The following PLS1 variants were observed in gnomAD, a reference collection of about 807,000 sequenced individuals.
The protein encoded by PLS1 is plastin 1.
Under a neutral mutation model 73.7 loss-of-function variants are expected in PLS1, and 32 were observed. The ratio of observed to expected loss-of-function variants is 0.43; its 90% CI spans 0.33 to 0.58. The LOEUF (loss-of-function observed/expected upper bound fraction) is 0.58, where lower values mean the gene tolerates loss of function less well. PLS1 is among the 20% of genes least tolerant of loss of function. The pLI, the probability that PLS1 is intolerant of heterozygous loss-of-function variation, is 0.04. For missense variants in PLS1, 633 were observed against 740.5 expected, an observed-to-expected ratio of 0.85 and a Z score of 1.68; for synonymous variants, 217 against 261.3, an observed-to-expected ratio of 0.83 and a Z score of 1.63.
intron 1 of PLS1, among the ~76,000 whole-genome samples, chr3:142,639,993 T>C (rs2036795352): frequency 6.6e-6 from 1 of 152,218 alleles, no homozygotes; most frequent in Non-Finnish European, 1.5e-5. Flanking sequence ...AAAAACCAAG[T>C]CTGCTGCAGA....
At chr3:142,627,375 A>G (rs978152466) in intron 1 of PLS1, among the ~76,000 whole-genome samples, 3 of 152,230 alleles carry the variant, frequency 2.0e-5, no homozygotes, top group Admixed American at 2.0e-4. Flanking sequence ...TAGGAGTGAC[A>G]TATTAAGGTT....
intron 6 of PLS1, among the ~76,000 whole-genome samples, chr3:142,680,282 C>G (rs1212595664): frequency 6.6e-6 from 1 of 152,094 alleles, no homozygotes; most frequent in African/African-American, 2.4e-5. Context: ...TCAGTCTGGT[C>G]TTGAACTAGT....
rs1358832929 is a variant in PLS1, at chr3:142,712,734, T to TA, written c.*728dup. 2 of 152,608 alleles carry TA rather than the reference T, an allele frequency of 1.3e-5. No individual in the cohort carries two copies. The highest frequency in any genetic ancestry group is 2.4e-5 in the African/African-American group (1 of 41,462). 9.5% of individuals were successfully genotyped at this position (152,608 alleles called of 1,614,324 possible). A position where few individuals can be genotyped will look rare whatever the true frequency, so the allele number is the denominator to read the frequency against. ...TATTAGAGAGATATGTGTGCATATA[T>TA]ATTTTTTTGCACCTGAATCACCCAG... On this transcript the variant is annotated 3_prime_UTR_variant, in exon 16 of 16. Coordinates refer to ENST00000457734, the MANE Select transcript of PLS1 (RefSeq NM_001145319.2).
chr3:142,679,187 G>A (rs1029134885), intron 6 of PLS1, among the ~76,000 whole-genome samples: 3 of 151,924 alleles, frequency 2.0e-5, no homozygotes, highest in African/African-American at 7.3e-5. Context: ...TTTGTCAGAC[G>A]AGTAGGTTGC....
chr3:142,669,631 T>G (rs575743157), intron 3 of PLS1, 78 bp downstream of exon 3: 2 of 923,634 alleles, frequency 2.2e-6, no homozygotes, highest in South Asian at 4.6e-5. Context: ...CTAGCTTTGG[T>G]TAAATCCAGC....
intron 1 of PLS1, among the ~76,000 whole-genome samples, chr3:142,601,046 C>T (rs2035918044): frequency 6.9e-6 from 1 of 144,112 alleles, no homozygotes; most frequent in Non-Finnish European, 1.5e-5. Context: ...GCCTCAGCCT[C>T]CCGAGTAGCT....
chr3:142,665,063 A>G (rs914962113), intron 2 of PLS1, among the ~76,000 whole-genome samples: 1 of 151,850 alleles, frequency 6.6e-6, no homozygotes, highest in Non-Finnish European at 1.5e-5. Flanking sequence ...TGGGATAATG[A>G]CACCACTATG....
At chr3:142,634,480 G>A (rs1446789920) in intron 1 of PLS1, among the ~76,000 whole-genome samples, 1 of 152,122 alleles carries the variant, frequency 6.6e-6, no homozygotes, top group Non-Finnish European at 1.5e-5. Flanking sequence ...TCTTTTGCTT[G>A]TATTCAATTG....
chr3:142,676,480 A>G (rs1255334719), intron 5 of PLS1, among the ~76,000 whole-genome samples, 191 bp downstream of exon 5: 1 of 152,216 alleles, frequency 6.6e-6, no homozygotes, highest in Non-Finnish European at 1.5e-5. Context: ...TCCTTCAAAT[A>G]CAATCCCTTG....
intron 1 of PLS1, among the ~76,000 whole-genome samples, chr3:142,659,921 G>C (rs1319235434): frequency 1.3e-5 from 2 of 152,042 alleles, no homozygotes; most frequent in African/African-American, 4.8e-5. Context: ...ATCAATTAAA[G>C]CCTCTTTTTT....
At chr3:142,692,264 G>A (rs559293279) in intron 10 of PLS1, among the ~76,000 whole-genome samples, 52 of 151,964 alleles carry the variant, frequency 3.4e-4, no homozygotes, top group Middle Eastern at 3.4e-3. Flanking sequence ...ATTATTTGTA[G>A]ACGTCAAATT....
chr3:142,689,664 A>T lies in PLS1; in HGVS notation c.1028A>T (p.Asp343Val), dbSNP rs146967957. 1,012 of 1,611,120 alleles carry T rather than the reference A, an allele frequency of 6.3e-4. 2 individuals carry two copies. Among genetic ancestry groups the T allele is most frequent in the Middle Eastern group, 1.2e-3 (7 of 6,046 alleles). ...KRAGLMLQEA[D>V]KLGCKQFVTP... ...GCTGGACTCATGCTTCAAGAAGCAG[A>T]TAAACTGGGCTGCAAACAGTTTGTT... The change falls in exon 10 of 16, where the codon GAT (aspartate) becomes GTT (valine). Residue 343 changes from aspartate to valine, a missense_variant. Coordinates refer to ENST00000457734, the MANE Select transcript of PLS1 (RefSeq NM_001145319.2).
chr3:142,633,841 A>C (rs897416278), intron 1 of PLS1, among the ~76,000 whole-genome samples: 5 of 152,194 alleles, frequency 3.3e-5, no homozygotes, highest in African/African-American at 1.2e-4. Context: ...GGAAAATATT[A>C]CCCATAACTA....
At chr3:142,711,845 C>T (rs1240837088) in intron 15 of PLS1, 27 bp from the exon 16 acceptor site, 3 of 1,609,482 alleles carry the variant, frequency 1.9e-6, no homozygotes, top group Non-Finnish European at 2.6e-6. Context: ...GTGGATAACA[C>T]CAAGATATTT....
chr3:142,610,214 G>A (rs1010043819), intron 1 of PLS1, among the ~76,000 whole-genome samples: 7 of 152,162 alleles, frequency 4.6e-5, no homozygotes, highest in Admixed American at 3.9e-4. Flanking sequence ...ATTGGGCAGT[G>A]CAGTTTCATC....
At position 142,712,595 on chromosome 3, in the gene PLS1, T is replaced by C. The variant is rs1053613347; in HGVS notation, c.*588T>C. On this transcript the variant is annotated 3_prime_UTR_variant, in exon 16 of 16. Coordinates refer to ENST00000457734, the MANE Select transcript of PLS1 (RefSeq NM_001145319.2). ...CCCAAAGTTCACTCTCTTGTTTAAG[T>C]AGCAGCAGCTTTTTACTTAAAATTT... The C allele has an allele frequency of 2.0e-5, 3 of 152,302 alleles. No homozygotes were observed. Among genetic ancestry groups the C allele is most frequent in the South Asian group, 4.1e-4 (2 of 4,826 alleles). 9.4% of individuals were successfully genotyped at this position (152,302 alleles called of 1,614,324 possible).
chr3:142,672,743 C>G (rs1003405357), intron 4 of PLS1, among the ~76,000 whole-genome samples: 1 of 152,060 alleles, frequency 6.6e-6, no homozygotes, highest in Non-Finnish European at 1.5e-5. Flanking sequence ...TATTTAATGG[C>G]TTTTATAAAA....
intron 2 of PLS1, among the ~76,000 whole-genome samples, chr3:142,669,092 G>A (rs1187754825): frequency 6.6e-6 from 1 of 152,096 alleles, no homozygotes; most frequent in Non-Finnish European, 1.5e-5. Flanking sequence ...TATTGCCTAA[G>A]TTGAGGGGCA....
chr3:142,618,327 G>C (rs965225296), intron 1 of PLS1, among the ~76,000 whole-genome samples: 8 of 152,150 alleles, frequency 5.3e-5, no homozygotes, highest in African/African-American at 1.9e-4. Context: ...AGGCCAAGGT[G>C]ATAAGAACAT....
Sources: allele counts gnomAD v4.1 joint callset (sites outside exome capture counted in the v4.1 genomes callset), GRCh38; gene constraint gnomAD v4.1.1; transcripts MANE v1.5; gene names NCBI Gene and HGNC (gene_info 2026-07-23, HGNC 2026-07-21).